Variants in CAST observed in about 807,000 individuals in gnomAD.
The protein encoded by CAST is calpastatin.
In CAST, 76 loss-of-function variants were observed where a neutral mutation model predicts 119.6. The observed-to-expected ratio is 0.64, with a 90% confidence interval of 0.53 to 0.77. The LOEUF (loss-of-function observed/expected upper bound fraction) is 0.77. Among genes scored for constraint, CAST ranks in the 30% least tolerant of loss-of-function variants. The pLI is 0.00. For missense variants in CAST, 953 were observed against 946.5 expected, an observed-to-expected ratio of 1.01 and a Z score of -0.09; for synonymous variants, 319 against 331.6, an observed-to-expected ratio of 0.96 and a Z score of 0.41.
chr5:96,318,252 C>A, the CAST span, among the ~76,000 whole-genome samples: 4 of 152,330 alleles, frequency 2.6e-5, no homozygotes, highest in Non-Finnish European at 5.9e-5. Flanking sequence ...GGACACCCAG[C>A]AAGTTGCTAT....
At chr5:96,142,914 G>C in the CAST span, among the ~76,000 whole-genome samples, 2 of 152,058 alleles carry the variant, frequency 1.3e-5, no homozygotes, top group East Asian at 3.9e-4. Context: ...TATCCAGTCA[G>C]ACATCCAAAA....
At chr5:96,199,204 A>G in the CAST span, among the ~76,000 whole-genome samples, 1 of 152,192 alleles carries the variant, frequency 6.6e-6, no homozygotes, top group South Asian at 2.1e-4. Context: ...CTCTCTCACA[A>G]GATAGAAGAT....
intron 1 of CAST, among the ~76,000 whole-genome samples, chr5:96,608,631 G>A (rs1482298166): frequency 6.6e-6 from 1 of 152,070 alleles, no homozygotes; most frequent in Non-Finnish European, 1.5e-5. Flanking sequence ...CTCACATAAA[G>A]GCCATTACAG....
At chr5:96,142,517 G>A in the CAST span, among the ~76,000 whole-genome samples, 1 of 152,212 alleles carries the variant, frequency 6.6e-6, no homozygotes, top group Non-Finnish European at 1.5e-5. Flanking sequence ...CAAAAAGATA[G>A]TATTTTTCTC....
At chr5:96,154,246 C>G in the CAST span, among the ~76,000 whole-genome samples, 24 of 151,564 alleles carry the variant, frequency 1.6e-4, no homozygotes, top group African/African-American at 5.6e-4. Context: ...CCACTGCACT[C>G]CAGCCTGGGT....
At chr5:96,700,373 G>A (rs1753735391) in intron 3 of CAST, among the ~76,000 whole-genome samples, 1 of 152,058 alleles carries the variant, frequency 6.6e-6, no homozygotes, top group African/African-American at 2.4e-5. Context: ...ATATATCTAT[G>A]GCAGGTTAAA....
At chr5:96,069,533 G>A in the CAST span, among the ~76,000 whole-genome samples, 1 of 151,800 alleles carries the variant, frequency 6.6e-6, no homozygotes, top group Admixed American at 6.6e-5. Context: ...ACCCAGGCTG[G>A]AGTGCAGTGG....
At chr5:96,414,539 TAATA>T in the CAST span, among the ~76,000 whole-genome samples, 1 of 152,186 alleles carries the variant, frequency 6.6e-6, no homozygotes, top group Non-Finnish European at 1.5e-5. Flanking sequence ...AATAGGTGCC[TAATA>T]AATGAAGATT....
the CAST span, among the ~76,000 whole-genome samples, chr5:96,321,175 T>A: frequency 6.6e-6 from 1 of 152,160 alleles, no homozygotes; most frequent in Non-Finnish European, 1.5e-5. Flanking sequence ...TGGGACCAGA[T>A]AATTTTTTGT....
chr5:96,135,464 A>G, the CAST span, among the ~76,000 whole-genome samples: 1 of 152,270 alleles, frequency 6.6e-6, no homozygotes, highest in East Asian at 1.9e-4. Flanking sequence ...AATTGGATGT[A>G]TGGTGGTGGT....
chr5:96,760,497 A>G (rs1767549378), intron 24 of CAST, among the ~76,000 whole-genome samples: 1 of 151,950 alleles, frequency 6.6e-6, no homozygotes, highest in Admixed American at 6.6e-5. Context: ...AGAAACTATG[A>G]AAAGTTTATT....
At chr5:96,145,932 T>TG in the CAST span, among the ~76,000 whole-genome samples, 1 of 152,138 alleles carries the variant, frequency 6.6e-6, no homozygotes, top group Admixed American at 6.5e-5. Flanking sequence ...GTAGCTCAGT[T>TG]GGGGCTGTCA....
the CAST span, among the ~76,000 whole-genome samples, chr5:96,206,918 T>C: frequency 1.3e-5 from 2 of 152,152 alleles, no homozygotes; most frequent in African/African-American, 4.8e-5. Context: ...TTAACAATAT[T>C]GATTCTTCCT....
intron 1 of CAST, among the ~76,000 whole-genome samples, chr5:96,615,365 C>T (rs371225946): frequency 7.2e-5 from 11 of 152,350 alleles, no homozygotes; most frequent in African/African-American, 2.6e-4. Context: ...GGTCTCACTT[C>T]CTCCTCTCCC....
the CAST span, among the ~76,000 whole-genome samples, chr5:96,254,634 A>G: frequency 6.6e-6 from 1 of 152,140 alleles, no homozygotes; most frequent in Admixed American, 6.6e-5. Flanking sequence ...AAAGGTGGCT[A>G]TGTATGTACA....
the CAST span, among the ~76,000 whole-genome samples, chr5:96,326,829 T>C: frequency 1.3e-5 from 2 of 152,066 alleles, no homozygotes; most frequent in African/African-American, 4.8e-5. Context: ...CCAAGTTCTA[T>C]TCTTCTATGA....
chr5:96,251,846 G>A, the CAST span, among the ~76,000 whole-genome samples: 1 of 152,098 alleles, frequency 6.6e-6, no homozygotes, highest in African/African-American at 2.4e-5. Context: ...AATAGTTAAC[G>A]AATGGTCTCA....
chr5:96,701,951 T>C (rs1027592835), intron 3 of CAST, among the ~76,000 whole-genome samples: 1 of 152,096 alleles, frequency 6.6e-6, no homozygotes, highest in African/African-American at 2.4e-5. Context: ...CCTTGAAAGG[T>C]ACATCAGAGG....
chr5:96,736,278 A>G, intron 10 of CAST, 38 bp downstream of exon 10: 1 of 1,250,462 alleles, frequency 8.0e-7, no homozygotes, highest in Non-Finnish European at 1.2e-6. Flanking sequence ...TGAGACAGTT[A>G]CTCATATGCT....
Sources: allele counts gnomAD v4.1 joint callset (sites outside exome capture counted in the v4.1 genomes callset), GRCh38; gene constraint gnomAD v4.1.1; transcripts MANE v1.5; gene names NCBI Gene and HGNC (gene_info 2026-07-23, HGNC 2026-07-21).